The following L3MBTL4 variants were observed in gnomAD, a reference collection of about 807,000 sequenced individuals.
L3MBTL4 encodes the protein lethal(3)malignant brain tumor-like protein 4.
Under a neutral mutation model 84.5 loss-of-function variants are expected in L3MBTL4, and 70 were observed. The ratio of observed to expected loss-of-function variants is 0.83; its 90% CI spans 0.68 to 1.01. L3MBTL4 has a LOEUF of 1.01. Among genes scored for constraint, L3MBTL4 ranks in the 50% least tolerant of loss-of-function variants. The pLI is 0.00. For synonymous variants in L3MBTL4, 274 were observed against 259.8 expected, an observed-to-expected ratio of 1.05 and a Z score of -0.52; for missense variants, 715 against 754.8, an observed-to-expected ratio of 0.95 and a Z score of 0.62.
chr18:6,295,310 C>CA (rs1568450379), intron 4 of L3MBTL4, among the ~76,000 whole-genome samples: 3 of 35,416 alleles, frequency 8.5e-5, no homozygotes, highest in African/African-American at 2.9e-4. Context: ...ACAACAACAA[C>CA]TCTCTCTCTC....
chr18:6,186,010 T>G (rs907004096), intron 12 of L3MBTL4, among the ~76,000 whole-genome samples: 1 of 149,654 alleles, frequency 6.7e-6, no homozygotes, highest in African/African-American at 2.5e-5. Flanking sequence ...TTATATTTTA[T>G]TTTATTTTAT....
chr18:6,129,237 A>G (rs1193852131), intron 14 of L3MBTL4, among the ~76,000 whole-genome samples: 1 of 152,224 alleles, frequency 6.6e-6, no homozygotes, highest in Non-Finnish European at 1.5e-5. Flanking sequence ...CTTAAGTCTC[A>G]GAATAATGCA....
At chr18:5,985,603 C>G (rs1025038788) in intron 16 of L3MBTL4, among the ~76,000 whole-genome samples, 2 of 152,146 alleles carry the variant, frequency 1.3e-5, no homozygotes, top group Non-Finnish European at 2.9e-5. Flanking sequence ...CTGGACCCTA[C>G]GTTATATTCC....
rs143312976 is a variant in L3MBTL4, at chr18:6,281,819, T to C, written c.128-17781A>G. 4.4e-3 allele frequency among the ~76,000 whole-genome samples: 668 copies of C among 152,314 alleles called. 8 individuals carry two copies. Among genetic ancestry groups the C allele is most frequent in the African/African-American group, 0.015 (635 of 41,566 alleles). ...GAAGTGCTAGGAAAATAGCAAACCA[T>C]GGTAATGTAGTTATCAACATATAGC... On this transcript the variant is annotated intron_variant, in intron 4 of 18. Transcript: ENST00000317931.
chr18:6,413,669 G>A (rs867271271), intron 1 of L3MBTL4, among the ~76,000 whole-genome samples: 1 of 152,172 alleles, frequency 6.6e-6, no homozygotes, highest in Non-Finnish European at 1.5e-5. Context: ...CCAACAGAAG[G>A]ATCCAGGAGA....
intron 5 of L3MBTL4, among the ~76,000 whole-genome samples, chr18:6,261,699 T>A (rs773448296): frequency 7.2e-5 from 11 of 152,226 alleles, no homozygotes; most frequent in African/African-American, 2.4e-4. Context: ...TTGGTCTTTT[T>A]TTAGTTAACA....
intron 16 of L3MBTL4, among the ~76,000 whole-genome samples, chr18:6,004,997 A>ATTTTTTTTTTTTTTTTTTTTTTT (rs60294342): frequency 7.7e-5 from 4 of 52,154 alleles, no homozygotes; most frequent in Non-Finnish European, 1.0e-4. Flanking sequence ...TAAGATGATA[A>ATTTTTTTTTTTTTTTTTTTTTTT]TTTTTTTTTT....
chr18:6,260,636 A>T (rs1398231708), intron 5 of L3MBTL4: 1 of 152,180 alleles, frequency 6.6e-6, no homozygotes. Flanking sequence ...CTGATTTTGT[A>T]TCCTGAAACT....
At chr18:6,029,853 T>C in intron 16 of L3MBTL4, 1 of 985,068 alleles carries the variant, frequency 1.0e-6, no homozygotes, top group South Asian at 4.7e-5. Context: ...AGGATTAGAA[T>C]AGGATAGATT....
intron 5 of L3MBTL4, among the ~76,000 whole-genome samples, chr18:6,262,510 C>T (rs924291315): frequency 6.6e-6 from 1 of 152,158 alleles, no homozygotes; most frequent in African/African-American, 2.4e-5. Flanking sequence ...GACTCCTAGA[C>T]AGAAACTGTA....
intron 12 of L3MBTL4, among the ~76,000 whole-genome samples, chr18:6,202,955 C>T (rs1188849530): frequency 6.6e-6 from 1 of 152,184 alleles, no homozygotes; most frequent in East Asian, 1.9e-4. Context: ...TGGATGACCT[C>T]ACTTAAGAGA....
At chr18:6,092,704 T>A (rs897004972) in intron 15 of L3MBTL4, among the ~76,000 whole-genome samples, 1 of 152,218 alleles carries the variant, frequency 6.6e-6, no homozygotes, top group East Asian at 1.9e-4. Flanking sequence ...TAGAGCTTTT[T>A]GGAGAAAAGA....
intron 1 of L3MBTL4, among the ~76,000 whole-genome samples, chr18:6,403,447 T>C (rs940906995): frequency 6.6e-6 from 1 of 152,212 alleles, no homozygotes; most frequent in African/African-American, 2.4e-5. Flanking sequence ...GAATCTATTA[T>C]AACCTATTAT....
chr18:6,112,919 G>A (rs2059238227), intron 14 of L3MBTL4, among the ~76,000 whole-genome samples: 1 of 152,062 alleles, frequency 6.6e-6, no homozygotes, highest in African/African-American at 2.4e-5. Flanking sequence ...AGTACATTTA[G>A]AATTAATCAA....
intron 5 of L3MBTL4, among the ~76,000 whole-genome samples, chr18:6,249,929 C>T (rs2047850549): frequency 6.6e-6 from 1 of 152,140 alleles, no homozygotes; most frequent in African/African-American, 2.4e-5. Flanking sequence ...GTTTAGTAGC[C>T]TAGTACAACT....
intron 10 of L3MBTL4, among the ~76,000 whole-genome samples, chr18:6,237,662 G>A (rs1208713204): frequency 1.3e-5 from 2 of 151,512 alleles, no homozygotes; most frequent in East Asian, 1.9e-4. Context: ...CACCATATTG[G>A]CCAGGCTGGT....
At chr18:6,173,866 T>G (rs1384694796) in intron 12 of L3MBTL4, among the ~76,000 whole-genome samples, 1 of 152,060 alleles carries the variant, frequency 6.6e-6, no homozygotes, top group East Asian at 1.9e-4. Context: ...AGGTAAGACT[T>G]TCTGAAGCCA....
At chr18:6,257,862 T>C (rs2048220544) in intron 5 of L3MBTL4, among the ~76,000 whole-genome samples, 1 of 152,088 alleles carries the variant, frequency 6.6e-6, no homozygotes, top group Non-Finnish European at 1.5e-5. Flanking sequence ...GTCAGGCTGG[T>C]CTCTAACTCC....
chr18:6,347,926 C>T (rs2052996342), intron 1 of L3MBTL4, among the ~76,000 whole-genome samples: 1 of 151,832 alleles, frequency 6.6e-6, no homozygotes, highest in African/African-American at 2.4e-5. Context: ...ATTAAATTGA[C>T]TAACTACCAG....
Sources: gnomAD v4.1 joint callset for allele counts (sites outside exome capture counted in the v4.1 genomes callset) on GRCh38, gnomAD v4.1.1 for gene constraint, MANE v1.5 for transcripts, NCBI Gene and HGNC (gene_info 2026-07-23, HGNC 2026-07-21) for gene names.